DNAI4: variants seen among roughly 807,000 people sequenced by gnomAD.
DNAI4 encodes the protein dynein axonemal intermediate chain 4, also known as WD repeat domain 78.
Under a neutral mutation model 105.8 loss-of-function variants are expected in DNAI4, and 85 were observed. The ratio of observed to expected loss-of-function variants is 0.80; its 90% CI spans 0.67 to 0.96. The LOEUF (loss-of-function observed/expected upper bound fraction) is 0.96. Ranked by LOEUF, DNAI4 falls within the 40% of genes least tolerant of loss-of-function variation. The pLI is 0.00. For synonymous variants in DNAI4, 352 were observed against 331.5 expected (o/e 1.06, Z -0.67); for missense variants, 1,014 against 1,005.6 (o/e 1.01, Z -0.11).
intron 10 of DNAI4, among the ~76,000 whole-genome samples, chr1:66,836,194 AAGAAAGAAAGAAAGAGAGAGAG>A (rs1645992130): frequency 5.7e-5 from 4 of 70,528 alleles, no homozygotes; most frequent in African/African-American, 2.1e-4. Context: ...GAAAGAAAGA[AAGAAAGAAAGAAAGAGAGAGAG>A]AGAGAGAGAG....
chr1:66,904,865 T>C (rs868725159), intron 2 of DNAI4: 4 of 265,654 alleles, frequency 1.5e-5, no homozygotes, highest in Admixed American at 5.3e-5. Flanking sequence ...TAACTGACTT[T>C]ATGACAAATA....
chr1:66,902,019 T>C (rs1648862894), intron 2 of DNAI4, among the ~76,000 whole-genome samples: 1 of 152,140 alleles, frequency 6.6e-6, no homozygotes, highest in African/African-American at 2.4e-5. Flanking sequence ...ACTCCTGACC[T>C]CAAGCAATCC....
In DNAI4 at chr1:66,919,873, G is replaced by A. The variant is rs1380220741; in HGVS notation, c.170+4789C>T. ...TTGTCAAGTCTCATCCCAGGGACAA[G>A]GGCCCATTAAAACACTAAGAGCTAA... On this transcript the variant is annotated intron_variant, in intron 1 of 16. Coordinates refer to ENST00000371026, the MANE Select transcript of DNAI4 (RefSeq NM_024763.5). 2.0e-5 allele frequency among the ~76,000 whole-genome samples: 3 copies of A among 152,160 alleles called. No individual in the cohort carries two copies. The East Asian group carries it at 5.8e-4, about 29-fold the overall frequency.
intron 10 of DNAI4, among the ~76,000 whole-genome samples, chr1:66,836,222 G>GAAAGAA (rs1260060946): frequency 5.7e-4 from 63 of 109,980 alleles, no homozygotes; most frequent in Non-Finnish European, 9.8e-4. Flanking sequence ...GAGAGAGAGA[G>GAAAGAA]AGAGAGAGAG....
chr1:66,835,593 T>C (rs747048494), intron 11 of DNAI4, 33 bp downstream of exon 11: 2 of 1,601,224 alleles, frequency 1.2e-6, no homozygotes, highest in African/African-American at 1.3e-5. Context: ...AAAAAGCATG[T>C]ATTATACATT....
intron 1 of DNAI4, among the ~76,000 whole-genome samples, chr1:66,912,753 T>A (rs1380542056): frequency 6.6e-6 from 1 of 152,200 alleles, no homozygotes; most frequent in African/African-American, 2.4e-5. Flanking sequence ...CTGTCTCAAA[T>A]TTTTGGGGTT....
At chr1:66,924,315 C>T (rs1307323287) in intron 1 of DNAI4, among the ~76,000 whole-genome samples, 2 of 152,198 alleles carry the variant, frequency 1.3e-5, no homozygotes, top group Non-Finnish European at 2.9e-5. Flanking sequence ...GGATTACAGG[C>T]ATGTGCCACC....
At chr1:66,884,216 T>TAGGAGAAG (rs1647142437) in intron 4 of DNAI4, among the ~76,000 whole-genome samples, 1 of 152,252 alleles carries the variant, frequency 6.6e-6, no homozygotes. Flanking sequence ...CACATTTTCT[T>TAGGAGAAG]TATCCATTCA....
chr1:66,873,125 T>C (rs1236600473), intron 5 of DNAI4, among the ~76,000 whole-genome samples: 1 of 152,026 alleles, frequency 6.6e-6, no homozygotes, highest in African/African-American at 2.4e-5. Context: ...GTCTTCAGGA[T>C]CTATACCAAA....
chr1:66,904,899 T>C, intron 2 of DNAI4: 1 of 342,050 alleles, frequency 2.9e-6, no homozygotes, highest in Non-Finnish European at 5.2e-6. Context: ...TTCAAGACTA[T>C]ATTGCTGACA....
rs1021710125 is a variant in DNAI4 at position 66,823,102 on chromosome 1, C to T, written c.2340-585G>A. Among the ~76,000 whole-genome samples the T allele has an allele frequency of 6.8e-5, 10 of 146,548 alleles. No homozygotes were observed. In the South Asian group the frequency reaches 2.4e-3, roughly 35 times the overall value. ...GTCCCCAGAGTGTGATGTTCCCCTT[C>T]CCGTGTCCATGTGTTCTCATTGTTC... On this transcript the variant is annotated intron_variant, in intron 15 of 16. Coordinates refer to ENST00000371026, the MANE Select transcript of DNAI4 (RefSeq NM_024763.5).
intron 15 of DNAI4, among the ~76,000 whole-genome samples, chr1:66,824,828 A>G (rs148303362): frequency 1.5e-4 from 23 of 152,340 alleles, no homozygotes; most frequent in African/African-American, 5.3e-4. Flanking sequence ...AATAAAGCTG[A>G]TTACCCTCCA....
intron 8 of DNAI4, among the ~76,000 whole-genome samples, chr1:66,845,462 A>G (rs936406161): frequency 6.6e-6 from 1 of 152,186 alleles, no homozygotes; most frequent in African/African-American, 2.4e-5. Context: ...CTGTTTCTTA[A>G]AAAGTTAAAC....
rs973134057 is a variant in DNAI4 at position 66,866,089 on chromosome 1, T to C, written c.941-3787A>G. Among the ~76,000 whole-genome samples, 4 of 152,106 alleles carry C rather than the reference T, an allele frequency of 2.6e-5. No individual in the cohort carries two copies. In the South Asian group the frequency reaches 8.3e-4, roughly 31 times the overall value. On this transcript the variant is annotated intron_variant, in intron 6 of 16. Transcript: ENST00000371026. ...TGGGAGGCTGAGGACAGTGGATCACTTGAGGTCAGGAGTTTGAGATCAGCC... is the reference window on the plus strand; with the variant it reads ...TGGGAGGCTGAGGACAGTGGATCACCTGAGGTCAGGAGTTTGAGATCAGCC...
At chr1:66,896,937 C>T (rs1245411303) in intron 2 of DNAI4, among the ~76,000 whole-genome samples, 1 of 152,144 alleles carries the variant, frequency 6.6e-6, no homozygotes, top group African/African-American at 2.4e-5. Flanking sequence ...GGCTTTGGAA[C>T]TGAGTAGTGG....
In DNAI4 at chr1:66,840,504, T is replaced by G; in HGVS notation, c.1459A>C (p.Asn487His). ...SFSCDLTKGL[N>H]VSSLAWNKTN... ...TTATTCCAGGCAAGGCTGCTCACAT[T>G]GAGGCCTTTGGTTAAGTCACAGGAA... Residue 487 changes from asparagine (N) to histidine (H), a missense_variant, in exon 9 of 17, where the codon AAT (asparagine) becomes CAT (histidine). By Grantham distance (68) the Asn-to-His change is moderately conservative. Transcript: ENST00000371026. 1.2e-6 allele frequency: 2 copies of G among 1,614,218 alleles called. No individual in the cohort carries two copies. Among genetic ancestry groups the G allele is most frequent in the Non-Finnish European group, 8.5e-7 (1 of 1,180,032 alleles).
intron 4 of DNAI4, among the ~76,000 whole-genome samples, chr1:66,884,137 C>T (rs1329644630): frequency 1.3e-5 from 2 of 152,140 alleles, no homozygotes; most frequent in Non-Finnish European, 2.9e-5. Flanking sequence ...TTCATTATAT[C>T]CATGTTGTCA....
chr1:66,830,310 C>T (rs571356746), intron 13 of DNAI4, among the ~76,000 whole-genome samples: 23 of 151,756 alleles, frequency 1.5e-4, no homozygotes, highest in Non-Finnish European at 2.8e-4. Flanking sequence ...ATAAGTCAGA[C>T]TAATCAGGAA....
intron 6 of DNAI4, among the ~76,000 whole-genome samples, chr1:66,868,194 T>C (rs1182765349): frequency 6.6e-6 from 1 of 152,238 alleles, no homozygotes; most frequent in Non-Finnish European, 1.5e-5. Context: ...TATACTACTA[T>C]ATTTTTAATT....
Sources: gnomAD v4.1 joint callset for allele counts (sites outside exome capture counted in the v4.1 genomes callset) on GRCh38, gnomAD v4.1.1 for gene constraint, MANE v1.5 for transcripts, NCBI Gene and HGNC (gene_info 2026-07-23, HGNC 2026-07-21) for gene names.